SEMA3C: variants seen among roughly 807,000 people sequenced by gnomAD.
SEMA3C encodes semaphorin 3C.
In SEMA3C, 47 loss-of-function variants were observed where a neutral mutation model predicts 89.4. The observed-to-expected ratio is 0.53, with a 90% CI of 0.42 to 0.67. The LOEUF (loss-of-function observed/expected upper bound fraction) is 0.67, where lower values mean the gene tolerates loss of function less well. Among genes scored for constraint, SEMA3C ranks in the 30% least tolerant of loss-of-function variants. SEMA3C has a pLI of 0.00. For missense variants in SEMA3C, 839 were observed against 929.1 expected (o/e 0.90, Z 1.26); for synonymous variants, 310 against 320.2 (o/e 0.97, Z 0.34).
At chr7:80,896,882 T>C (rs895461149) in intron 2 of SEMA3C, among the ~76,000 whole-genome samples, 3 of 152,202 alleles carry the variant, frequency 2.0e-5, no homozygotes, top group Non-Finnish European at 4.4e-5. Context: ...TTCCAATGTC[T>C]GCTTTCTCCC....
intron 2 of SEMA3C, among the ~76,000 whole-genome samples, chr7:80,849,797 T>A (rs1350511923): frequency 6.6e-6 from 1 of 152,158 alleles, no homozygotes; most frequent in Non-Finnish European, 1.5e-5. Flanking sequence ...AAGAATGATT[T>A]GTTAGAATAC....
At chr7:80,807,950 T>C (rs2115700712) in intron 6 of SEMA3C, among the ~76,000 whole-genome samples, 1 of 152,306 alleles carries the variant, frequency 6.6e-6, no homozygotes, top group African/African-American at 2.4e-5. Flanking sequence ...CTTTTTGTTC[T>C]TTTTACTGTC....
intron 2 of SEMA3C, among the ~76,000 whole-genome samples, chr7:80,859,874 T>A (rs1337740892): frequency 6.6e-6 from 1 of 152,140 alleles, no homozygotes; most frequent in Admixed American, 6.5e-5. Context: ...ACCTTTCACA[T>A]GTGTTTTGGT....
At chr7:80,794,087 C>A (rs566492662) in intron 11 of SEMA3C, among the ~76,000 whole-genome samples, 1 of 151,990 alleles carries the variant, frequency 6.6e-6, no homozygotes, top group South Asian at 2.1e-4. Flanking sequence ...CTTATATTTG[C>A]CTCCCCTACA....
At chr7:80,810,416 T>G (rs564771739) in intron 6 of SEMA3C, among the ~76,000 whole-genome samples, 195 bp downstream of exon 6, 1 of 152,274 alleles carries the variant, frequency 6.6e-6, no homozygotes, top group Admixed American at 6.5e-5. Flanking sequence ...TGTCATAAGT[T>G]ACATGCTTAT....
chr7:80,904,968 G>A (rs1791970213), intron 2 of SEMA3C, among the ~76,000 whole-genome samples: 1 of 151,714 alleles, frequency 6.6e-6, no homozygotes, highest in Non-Finnish European at 1.5e-5. Context: ...CAGAATCTTA[G>A]CGCTAACTTT....
intron 2 of SEMA3C, among the ~76,000 whole-genome samples, chr7:80,885,169 T>G (rs1238909746): frequency 6.6e-6 from 1 of 152,214 alleles, no homozygotes; most frequent in African/African-American, 2.4e-5. Context: ...TTTCCCAATA[T>G]ATTGTTTCTG....
At chr7:80,754,941 C>T (rs969009996) in intron 15 of SEMA3C, among the ~76,000 whole-genome samples, 2 of 15,492 alleles carry the variant, frequency 1.3e-4, no homozygotes, top group Admixed American at 6.8e-4. Context: ...CCATGCCTGG[C>T]GAATTGTTTT....
chr7:80,861,037 C>T (rs539922154), intron 2 of SEMA3C, among the ~76,000 whole-genome samples: 1 of 152,220 alleles, frequency 6.6e-6, no homozygotes, highest in South Asian at 2.1e-4. Context: ...AGGCCTTTAT[C>T]CAGTTGATCA....
Position 80,778,439 on chromosome 7 carries a change from A to G in SEMA3C, c.1354+10867T>C, listed in dbSNP as rs369921066. On this transcript the variant is annotated intron_variant, in intron 12 of 17. Coordinates refer to ENST00000265361, the MANE Select transcript of SEMA3C (RefSeq NM_006379.5). ...TACTGTTTGGGGAGAAGAATTACTC[A>G]TCTGGGATTCATGAATTGTATGGTC... Among the ~76,000 whole-genome samples the G allele has an allele frequency of 1.3e-3, 204 of 152,318 alleles. 2 individuals carry two copies. The highest frequency in any genetic ancestry group is 4.2e-3 in the African/African-American group (174 of 41,562).
At chr7:80,919,745 C>T (rs2116273764), upstream of SEMA3C, among the ~76,000 whole-genome samples, 1 of 152,002 alleles carries the variant, frequency 6.6e-6, no homozygotes, top group South Asian at 2.1e-4. Context: ...CCCACCACCA[C>T]GCCCAGCTAA....
At chr7:80,804,281 T>C in intron 7 of SEMA3C, 33 bp from the exon 8 acceptor site, 2 of 1,458,952 alleles carry the variant, frequency 1.4e-6, no homozygotes, top group South Asian at 1.5e-5. Context: ...AGGTATATAT[T>C]CATTATGAAA....
At chr7:80,761,553 A>T in intron 14 of SEMA3C, 63 bp downstream of exon 14, 2 of 897,618 alleles carry the variant, frequency 2.2e-6, no homozygotes, top group Non-Finnish European at 3.4e-6. Context: ...GTTATAAAAT[A>T]TAATTTTTCA....
At chr7:80,865,790 T>C (rs1790913848) in intron 2 of SEMA3C, among the ~76,000 whole-genome samples, 2 of 152,080 alleles carry the variant, frequency 1.3e-5, no homozygotes, top group Non-Finnish European at 2.9e-5. Flanking sequence ...CGAGACTCCA[T>C]CTCAGAAAAA....
At chr7:80,850,603 G>C (rs756297712) in intron 2 of SEMA3C, among the ~76,000 whole-genome samples, 8 of 152,126 alleles carry the variant, frequency 5.3e-5, no homozygotes, top group Admixed American at 5.2e-4. Context: ...TATATTCAGG[G>C]AGAAGGGAGG....
chr7:80,883,795 C>T (rs891672746), intron 2 of SEMA3C, among the ~76,000 whole-genome samples: 6 of 152,190 alleles, frequency 3.9e-5, no homozygotes, highest in African/African-American at 1.4e-4. Flanking sequence ...AAAATGAGCA[C>T]ATCTTTAAAT....
chr7:80,845,448 A>G (rs1203284772), intron 2 of SEMA3C, among the ~76,000 whole-genome samples: 3 of 152,070 alleles, frequency 2.0e-5, no homozygotes, highest in Non-Finnish European at 4.4e-5. Context: ...ACAAGGCAGT[A>G]TATGATAAAT....
chr7:80,819,781 C>T (rs1351486971), intron 4 of SEMA3C, among the ~76,000 whole-genome samples: 1 of 152,226 alleles, frequency 6.6e-6, no homozygotes, highest in African/African-American at 2.4e-5. Context: ...AAACAGTCAG[C>T]CCTAGATGCA....
chr7:80,835,499 T>C (rs764148989), intron 2 of SEMA3C, among the ~76,000 whole-genome samples: 3 of 152,166 alleles, frequency 2.0e-5, no homozygotes, highest in Non-Finnish European at 4.4e-5. Context: ...CTCAGAAGAA[T>C]TTTAAGCAGA....
Sources: gnomAD v4.1 joint callset for allele counts (sites outside exome capture counted in the v4.1 genomes callset) on GRCh38, gnomAD v4.1.1 for gene constraint, MANE v1.5 for transcripts, NCBI Gene and HGNC (gene_info 2026-07-23, HGNC 2026-07-21) for gene names.